FAM13C: variants seen among roughly 807,000 people sequenced by gnomAD.
FAM13C encodes protein FAM13C.
A neutral mutation model predicts 73.2 loss-of-function variants in FAM13C; 37 were observed. That is an observed-to-expected ratio of 0.51 (90% CI 0.39 to 0.67). The LOEUF (loss-of-function observed/expected upper bound fraction) is 0.67, where lower values mean the gene tolerates loss of function less well. Ranked by LOEUF, FAM13C falls within the 30% of genes least tolerant of loss-of-function variation. FAM13C has a pLI of 0.00. For synonymous variants in FAM13C, 246 were observed against 260.9 expected, an observed-to-expected ratio of 0.94 and a Z score of 0.55; for missense variants, 589 against 715.6, an observed-to-expected ratio of 0.82 and a Z score of 2.02.
chr10:59,336,555 G>C (rs1372089237), intron 3 of FAM13C, among the ~76,000 whole-genome samples: 2 of 152,098 alleles, frequency 1.3e-5, no homozygotes, highest in Non-Finnish European at 2.9e-5. Context: ...CTTCTGACTG[G>C]TATCACCCCA....
At chr10:59,273,097 G>C (rs537468354) in intron 6 of FAM13C, among the ~76,000 whole-genome samples, 2 of 152,148 alleles carry the variant, frequency 1.3e-5, no homozygotes, top group Non-Finnish European at 2.9e-5. Context: ...AGGATATGGG[G>C]AGACTACTGT....
chr10:59,279,954 C>G (rs1844748138), intron 6 of FAM13C, among the ~76,000 whole-genome samples: 1 of 152,152 alleles, frequency 6.6e-6, no homozygotes. Flanking sequence ...TTGCAGAGGG[C>G]TGACTTCTTA....
At chr10:59,361,212 GT>G (rs35736752) in intron 1 of FAM13C, 43,631 of 576,200 alleles carry the variant, frequency 0.076, 989 homozygotes, top group African/African-American at 0.12. Flanking sequence ...AGTCAATCCT[GT>G]TTTTTTTTTT....
At chr10:59,263,843 G>T in intron 9 of FAM13C, 1 of 501,438 alleles carries the variant, frequency 2.0e-6, no homozygotes, top group Non-Finnish European at 3.6e-6. Context: ...TCCTGGCATT[G>T]AAGTGAATCA....
chr10:59,349,863 A>G (rs1854801607), intron 3 of FAM13C, among the ~76,000 whole-genome samples: 1 of 152,210 alleles, frequency 6.6e-6, no homozygotes, highest in Non-Finnish European at 1.5e-5. Context: ...TTTTGAATAT[A>G]TAAGAAGTCC....
intron 7 of FAM13C, among the ~76,000 whole-genome samples, chr10:59,269,417 TACACACACACAC>T (rs10532470): frequency 1.4e-5 from 2 of 146,552 alleles, no homozygotes; most frequent in Non-Finnish European, 3.0e-5. Flanking sequence ...GGCATCCGAT[TACACACACACAC>T]ACACACACAC....
intron 6 of FAM13C, among the ~76,000 whole-genome samples, chr10:59,279,562 A>G (rs757457263): frequency 2.7e-4 from 41 of 152,238 alleles, no homozygotes; most frequent in Admixed American, 5.9e-4. Context: ...ACTCCAAACC[A>G]TCAATCATCC....
At chr10:59,275,385 C>G (rs925457267) in intron 6 of FAM13C, among the ~76,000 whole-genome samples, 2 of 152,148 alleles carry the variant, frequency 1.3e-5, no homozygotes, top group African/African-American at 4.8e-5. Flanking sequence ...GGTTGTCTAC[C>G]AAGCCCTGGG....
At position 59,324,949 on chromosome 10, in the gene FAM13C, A is replaced by G. The variant is rs1044195444; in HGVS notation, c.325-843T>C. Among the ~76,000 whole-genome samples the G allele has an allele frequency of 7.9e-5, 12 of 152,352 alleles. No individual in the cohort carries two copies. The East Asian group carries it at 2.3e-3, about 29-fold the overall frequency. On this transcript the variant is annotated intron_variant, in intron 3 of 13. Coordinates refer to ENST00000618804, the MANE Select transcript of FAM13C (RefSeq NM_198215.4). ...GGATTCAACACAAAGACATGCATAC[A>G]TAGCAAAAATAAAAGATTTATATAT...
rs1464324282 is a variant in FAM13C, at chr10:59,308,453, T to C, written c.444-5589A>G. 3.4e-5 allele frequency among the ~76,000 whole-genome samples: 5 copies of C among 145,898 alleles called. No individual in the cohort carries two copies. The East Asian group carries it at 1.0e-3, about 30-fold the overall frequency. ...ACAATCACCATCATCACCATCACCA[T>C]CACCATTGCCACCATCACTACCACC... is the stretch of plus-strand genomic sequence containing the variant. On this transcript the variant is annotated intron_variant, in intron 4 of 13. Transcript: ENST00000618804.
intron 5 of FAM13C, among the ~76,000 whole-genome samples, chr10:59,294,004 G>T (rs1846600597): frequency 6.6e-6 from 1 of 152,204 alleles, no homozygotes; most frequent in African/African-American, 2.4e-5. Context: ...TGTCAACTTT[G>T]TATTTCACCA....
intron 6 of FAM13C, among the ~76,000 whole-genome samples, chr10:59,280,358 ATCCCAC>A (rs1844791599): frequency 6.6e-6 from 1 of 152,042 alleles, no homozygotes; most frequent in Admixed American, 6.6e-5. Context: ...CTATATCCCC[ATCCCAC>A]TCACTCCCAA....
intron 6 of FAM13C, among the ~76,000 whole-genome samples, chr10:59,281,918 G>A (rs1267998372): frequency 6.6e-6 from 1 of 152,164 alleles, no homozygotes; most frequent in Admixed American, 6.5e-5. Context: ...ACTTCTTTAT[G>A]TGTTTTGTAT....
rs11006439 is a variant in FAM13C, at chr10:59,334,865, C to A, written c.325-10759G>T. On this transcript the variant is annotated intron_variant, in intron 3 of 13. Coordinates refer to ENST00000618804, the MANE Select transcript of FAM13C (RefSeq NM_198215.4). ...CATGTATATATATGTAACTAACCTG[C>A]ACGTTGGGCACATGTACCCTAAAAC... is the stretch of plus-strand genomic sequence containing the variant. 3.3e-5 allele frequency among the ~76,000 whole-genome samples: 5 copies of A among 152,150 alleles called. No individual in the cohort carries two copies. The East Asian group carries it at 9.7e-4, about 29-fold the overall frequency.
chr10:59,332,147 T>G (rs1466980965), intron 3 of FAM13C, among the ~76,000 whole-genome samples: 2 of 152,130 alleles, frequency 1.3e-5, no homozygotes, highest in African/African-American at 4.8e-5. Context: ...TGATGGTATA[T>G]TGTTAAATCA....
chr10:59,332,927 TATG>T (rs1281415744), intron 3 of FAM13C, among the ~76,000 whole-genome samples: 16 of 152,214 alleles, frequency 1.1e-4, no homozygotes, highest in Non-Finnish European at 2.2e-4. Context: ...AAAGGGTTAC[TATG>T]ATATTAAAAA....
chr10:59,329,339 CTGGTTTTTTTTTTTTTTTT>C (rs1851619795), intron 3 of FAM13C, among the ~76,000 whole-genome samples: 1 of 72,880 alleles, frequency 1.4e-5, no homozygotes, highest in South Asian at 4.6e-4. Flanking sequence ...TTCTTTCTTT[CTGGTTTTTTTTTTTTTTTT>C]TTTTTTTTTT....
chr10:59,288,072 G>A (rs765523920), intron 5 of FAM13C, among the ~76,000 whole-genome samples: 9 of 152,214 alleles, frequency 5.9e-5, no homozygotes, highest in Admixed American at 6.5e-5. Flanking sequence ...TGTTTGGAAC[G>A]GAACCAAATG....
chr10:59,292,171 A>G, intron 5 of FAM13C, among the ~76,000 whole-genome samples: 1 of 152,174 alleles, frequency 6.6e-6, no homozygotes, highest in East Asian at 1.9e-4. Context: ...TGTCTCACTT[A>G]CAACTCATGG....
Sources: gnomAD v4.1 joint callset for allele counts (sites outside exome capture counted in the v4.1 genomes callset) on GRCh38, gnomAD v4.1.1 for gene constraint, MANE v1.5 for transcripts, NCBI Gene and HGNC (gene_info 2026-07-23, HGNC 2026-07-21) for gene names.